Variants in CAMSAP2 observed in about 807,000 individuals in gnomAD.
The protein encoded by CAMSAP2 is calmodulin regulated spectrin associated protein family member 2.
Under a neutral mutation model 146.1 loss-of-function variants are expected in CAMSAP2, and 26 were observed. The observed-to-expected ratio is 0.18, with a 90% CI of 0.13 to 0.25. The LOEUF is 0.25. Ranked by LOEUF, CAMSAP2 falls within the 10% of genes least tolerant of loss-of-function variation. The pLI, the probability that CAMSAP2 is intolerant of heterozygous loss-of-function variation, is 1.00. For synonymous variants in CAMSAP2, 499 were observed against 596.6 expected (o/e 0.84, Z 2.38); for missense variants, 1,381 against 1,759.3 (o/e 0.78, Z 3.85).
intron 2 of CAMSAP2, among the ~76,000 whole-genome samples, chr1:200,786,157 T>C (rs960959489): frequency 1.3e-5 from 2 of 152,184 alleles, no homozygotes; most frequent in African/African-American, 4.8e-5. Flanking sequence ...TATATGGAGG[T>C]TTATCAATTC....
chr1:200,801,266 G>GAA (rs397816350), intron 2 of CAMSAP2, among the ~76,000 whole-genome samples: 425 of 141,960 alleles, frequency 3.0e-3, no homozygotes, highest in African/African-American at 9.8e-3. Context: ...CCATCTCAAA[G>GAA]AAAAAAAAAA....
Position 200,844,882 on chromosome 1 carries a change from A to C in CAMSAP2, c.1109+13A>C, listed in dbSNP as rs751635839. The C allele has an allele frequency of 7.0e-7, 1 of 1,420,540 alleles. No individual in the cohort carries two copies. Among genetic ancestry groups the C allele is most frequent in the East Asian group, 2.4e-5 (1 of 41,902 alleles). The allele number at this position is 1,420,540 out of a possible 1,614,324, so 88.0% of individuals were successfully genotyped here. ...ACTTCCCTTCAAGGTAAACTCCACAATGACTTTATTTTCACCATTTCTATT... is the reference window on the plus strand; with the variant it reads ...ACTTCCCTTCAAGGTAAACTCCACACTGACTTTATTTTCACCATTTCTATT... On this transcript the variant is annotated intron_variant, in intron 8 of 16. Coordinates refer to ENST00000358823, the MANE Select transcript of CAMSAP2 (RefSeq NM_203459.4).
At chr1:200,811,225 C>G (rs1157162617) in intron 3 of CAMSAP2, among the ~76,000 whole-genome samples, 1 of 152,148 alleles carries the variant, frequency 6.6e-6, no homozygotes, top group Non-Finnish European at 1.5e-5. Flanking sequence ...ACAACAAACT[C>G]TGTCTCCCCT....
chr1:200,858,482 G>A lies in CAMSAP2; in HGVS notation c.*423G>A, dbSNP rs1255213699. The A allele has an allele frequency of 6.5e-6, 1 of 153,960 alleles. No homozygotes were observed. The highest frequency in any genetic ancestry group is 6.5e-5 in the Admixed American group (1 of 15,310). 9.5% of individuals were successfully genotyped at this position (153,960 alleles called of 1,614,324 possible). A position where few individuals can be genotyped will look rare whatever the true frequency, so the allele number is the denominator to read the frequency against. On this transcript the variant is annotated 3_prime_UTR_variant, in exon 17 of 17. Coordinates refer to ENST00000358823, the MANE Select transcript of CAMSAP2 (RefSeq NM_203459.4). ...TGGTTTGCTATTTTTCTCTCCTGGG[G>A]GTTTATTCTAAGATACCTTTGTATT...
intron 1 of CAMSAP2, among the ~76,000 whole-genome samples, chr1:200,741,863 A>AT (rs1324958005): frequency 6.6e-6 from 1 of 152,206 alleles, no homozygotes; most frequent in African/African-American, 2.4e-5. Flanking sequence ...CAAGTCTCTG[A>AT]TGTAGGTAGT....
intron 12 of CAMSAP2, 120 bp downstream of exon 12, chr1:200,852,797 T>C: frequency 9.1e-7 from 1 of 1,097,080 alleles, no homozygotes; most frequent in Non-Finnish European, 1.3e-6. Flanking sequence ...AACAGATTTC[T>C]TTCAGAGAAG....
At chr1:200,788,482 A>G (rs961187798) in intron 2 of CAMSAP2, among the ~76,000 whole-genome samples, 10 of 152,136 alleles carry the variant, frequency 6.6e-5, no homozygotes, top group Non-Finnish European at 1.3e-4. Context: ...TGGCTGTATC[A>G]TTTTGGATTC....
Position 200,849,495 on chromosome 1 carries a change from T to G in CAMSAP2, c.2726T>G (p.Met909Arg). The stretch of plus-strand genomic sequence containing the variant: ...TTGTCACTTCAGCAGGAGATGTTAA[T>G]GCAGATGAGAGAGCAACAATCTTGG... ...QRLSLQQEML[M>R]QMREQQSWVI... is the part of the protein sequence containing the mutation. Residue 909 changes from methionine to arginine, a missense_variant, in exon 11 of 17, where the codon ATG becomes AGG. Physicochemically the swap from Met to Arg is moderately conservative, Grantham distance 91. Around this residue, in one of 4 missense-constraint regions of CAMSAP2, gnomAD observed 560 missense variants for 715.9 expected, o/e 0.78. Coordinates refer to ENST00000358823, the MANE Select transcript of CAMSAP2 (RefSeq NM_203459.4). This position sits in a 1 kb window ranked among gnomAD's most constrained non-coding sequence, Gnocchi z 6.3. 1 of 1,614,226 alleles carries G rather than the reference T, an allele frequency of 6.2e-7. No individual in the cohort carries two copies. Among genetic ancestry groups the G allele is most frequent in the Non-Finnish European group, 8.5e-7 (1 of 1,180,036 alleles).
At chr1:200,852,933 G>C (rs952663563) in intron 12 of CAMSAP2, among the ~76,000 whole-genome samples, 5 of 151,758 alleles carry the variant, frequency 3.3e-5, no homozygotes, top group African/African-American at 1.2e-4. Flanking sequence ...TCATGGGAAA[G>C]TTCTCTAGAA....
Position 200,816,666 on chromosome 1 carries a change from ATGTGTATATG to A in CAMSAP2, c.645+1034_645+1043del, listed in dbSNP as rs1358241978. Among the ~76,000 whole-genome samples, 3 of 141,854 alleles carry A rather than the reference ATGTGTATATG, an allele frequency of 2.1e-5. 1 individual carries two copies. Among genetic ancestry groups the A allele is most frequent in the Admixed American group, 7.1e-5 (1 of 14,168 alleles). 93.1% of individuals were successfully genotyped at this position (141,854 alleles called of 152,430 possible). A position where few individuals can be genotyped will look rare whatever the true frequency, so the allele number is the denominator to read the frequency against. ...CACATATATATGCACACACATACAC[ATGTGTATATG>A]TGTGTATATGTACATGCACACATAT... On this transcript the variant is annotated intron_variant, in intron 4 of 16. Coordinates refer to ENST00000358823, the MANE Select transcript of CAMSAP2 (RefSeq NM_203459.4).
At position 200,857,695 on chromosome 1, in the gene CAMSAP2, C is replaced by T; in HGVS notation, c.4132-59C>T. 1 of 1,347,688 alleles carries T rather than the reference C, an allele frequency of 7.4e-7. No individual in the cohort carries two copies. The highest frequency in any genetic ancestry group is 2.4e-5 in the Admixed American group (1 of 42,098). 83.5% of individuals were successfully genotyped at this position (1,347,688 alleles called of 1,614,324 possible). A position where few individuals can be genotyped will look rare whatever the true frequency, so the allele number is the denominator to read the frequency against. Reference sequence around the variant, plus strand: ...GTAACATAATTATATAAACTTTATTCAGCAAAATAAAGGGTTTTTATTCGT... The same window carrying T: ...GTAACATAATTATATAAACTTTATTTAGCAAAATAAAGGGTTTTTATTCGT... On this transcript the variant is annotated intron_variant, in intron 16 of 16. Transcript: ENST00000358823. The surrounding 1 kb of genome is among the most constrained non-coding windows in gnomAD (Gnocchi z 4.7).
chr1:200,822,749 A>T (rs896126890), intron 4 of CAMSAP2, among the ~76,000 whole-genome samples: 1 of 152,166 alleles, frequency 6.6e-6, no homozygotes, highest in Non-Finnish European at 1.5e-5. Flanking sequence ...GTTTTTTCCT[A>T]TACAGCAATG....
intron 2 of CAMSAP2, among the ~76,000 whole-genome samples, chr1:200,802,187 A>G (rs1666052091): frequency 6.6e-6 from 1 of 152,232 alleles, no homozygotes. Context: ...ATTCAATGGC[A>G]AAGTATTATT....
chr1:200,846,499 C>T (rs1243857861), intron 8 of CAMSAP2, among the ~76,000 whole-genome samples: 1 of 152,146 alleles, frequency 6.6e-6, no homozygotes, highest in Non-Finnish European at 1.5e-5. Flanking sequence ...AGATGGATGT[C>T]TACATTCTTT....
intron 4 of CAMSAP2, among the ~76,000 whole-genome samples, chr1:200,817,153 CACATACACACACGTGTGTGTAT>C (rs1439730620): frequency 2.5e-4 from 29 of 114,196 alleles, no homozygotes; most frequent in Admixed American, 7.9e-4. Flanking sequence ...TACACATACA[CACATACACACACGTGTGTGTAT>C]ATACACACAC....
intron 2 of CAMSAP2, among the ~76,000 whole-genome samples, chr1:200,799,028 G>A (rs1348290607): frequency 2.6e-5 from 4 of 152,228 alleles, no homozygotes; most frequent in South Asian, 2.1e-4. Context: ...TGACTTGATC[G>A]TGGTGGATAA....
At position 200,860,307 on chromosome 1, in the gene CAMSAP2, G is replaced by A. The variant is rs562969894; in HGVS notation, c.*2248G>A. The A allele has an allele frequency of 9.8e-4, 149 of 152,722 alleles. No individual in the cohort carries two copies. The highest frequency in any genetic ancestry group is 3.0e-3 in the African/African-American group (125 of 41,522). 9.5% of individuals were successfully genotyped at this position (152,722 alleles called of 1,614,324 possible). A position where few individuals can be genotyped will look rare whatever the true frequency, so the allele number is the denominator to read the frequency against. On this transcript the variant is annotated 3_prime_UTR_variant, in exon 17 of 17. Transcript: ENST00000358823. ...TCTGAGGATTTTCGTCAACCTTACT[G>A]AAACACACTGGTGCTTTCATCATCA...
intron 4 of CAMSAP2, among the ~76,000 whole-genome samples, chr1:200,818,545 C>T (rs929322354): frequency 1.3e-5 from 2 of 152,036 alleles, no homozygotes; most frequent in Admixed American, 1.3e-4. Context: ...CTTTTCCCCC[C>T]ATTGTTTTTG....
At chr1:200,756,783 AT>A (rs1458954464) in intron 1 of CAMSAP2, among the ~76,000 whole-genome samples, 3 of 152,058 alleles carry the variant, frequency 2.0e-5, no homozygotes, top group South Asian at 2.1e-4. Flanking sequence ...AGTGACTAGA[AT>A]TTTTTTTAAT....
Sources: allele counts gnomAD v4.1 joint callset (sites outside exome capture counted in the v4.1 genomes callset), GRCh38; gene constraint gnomAD v4.1.1; regional missense constraint gnomAD v4.1.1; non-coding constraint Gnocchi (gnomAD v3.1); transcripts MANE v1.5; gene names NCBI Gene and HGNC (gene_info 2026-07-23, HGNC 2026-07-21).